GBE1: variants seen among roughly 807,000 people sequenced by gnomAD.
GBE1 encodes the protein 1,4-alpha-glucan branching enzyme 1, also known as 1,4-alpha-glucan-branching enzyme.
In GBE1, 70 loss-of-function variants were observed where a neutral mutation model predicts 88.8. That is an observed-to-expected ratio of 0.79 (90% CI 0.65 to 0.96). The LOEUF is 0.96. GBE1 is among the 40% of genes least tolerant of loss of function. The probability of loss-of-function intolerance (pLI) is 0.00; values close to 1 mark genes in which losing one functional copy is unlikely to be tolerated. For synonymous variants in GBE1, 284 were observed against 300.1 expected (o/e 0.95, Z 0.56); for missense variants, 872 against 871.0 (o/e 1.00, Z -0.01).
intron 2 of GBE1, among the ~76,000 whole-genome samples, chr3:81,702,102 A>AGT (rs571028865): frequency 3.1e-4 from 36 of 115,460 alleles, no homozygotes; most frequent in South Asian, 6.8e-4. Flanking sequence ...AGAGAGAGAG[A>AGT]GTGTGTGTGT....
chr3:81,644,011 C>T (rs546326260), intron 6 of GBE1, among the ~76,000 whole-genome samples: 1 of 152,158 alleles, frequency 6.6e-6, no homozygotes, highest in Non-Finnish European at 1.5e-5. Context: ...CATTTTTATA[C>T]TCATTGAACA....
intron 12 of GBE1, among the ~76,000 whole-genome samples, chr3:81,547,657 C>CTCTCTCTCTCTT (rs1177533326): frequency 7.4e-6 from 1 of 134,434 alleles, no homozygotes; most frequent in Admixed American, 7.5e-5. Flanking sequence ...CTCTCTCTCT[C>CTCTCTCTCTCTT]TCTCTCTCTC....
At chr3:81,632,832 T>C (rs1404439022) in intron 7 of GBE1, among the ~76,000 whole-genome samples, 7 of 152,214 alleles carry the variant, frequency 4.6e-5, no homozygotes, top group African/African-American at 1.4e-4. Flanking sequence ...TACTGCAGTC[T>C]AACAATGCCC....
chr3:81,703,415 C>T (rs948565996), intron 2 of GBE1, among the ~76,000 whole-genome samples: 2 of 151,772 alleles, frequency 1.3e-5, no homozygotes, highest in African/African-American at 4.8e-5. Flanking sequence ...TGGGACTACA[C>T]CATGAATTAT....
intron 7 of GBE1, among the ~76,000 whole-genome samples, chr3:81,609,435 C>CA (rs1262775990): frequency 6.6e-6 from 1 of 151,098 alleles, no homozygotes; most frequent in Non-Finnish European, 1.5e-5. Flanking sequence ...AGCTCAAAGC[C>CA]AAAAAAAACT....
intron 14 of GBE1, among the ~76,000 whole-genome samples, chr3:81,508,918 T>C (rs561969515): frequency 2.8e-4 from 43 of 152,176 alleles, no homozygotes; most frequent in Middle Eastern, 3.4e-3. Context: ...CATCTGTAAA[T>C]GGAGGTAACA....
At chr3:81,560,741 T>C (rs1703404871) in intron 12 of GBE1, among the ~76,000 whole-genome samples, 1 of 152,012 alleles carries the variant, frequency 6.6e-6, no homozygotes, top group African/African-American at 2.4e-5. Flanking sequence ...CAGATAATTG[T>C]GTGCAAACGA....
intron 2 of GBE1, among the ~76,000 whole-genome samples, chr3:81,691,100 T>C (rs1705512483): frequency 2.0e-5 from 3 of 152,198 alleles, no homozygotes. Flanking sequence ...ATAATCCATC[T>C]GCTTGCAACA....
At chr3:81,552,701 T>C (rs1222169390) in intron 12 of GBE1, among the ~76,000 whole-genome samples, 1 of 152,112 alleles carries the variant, frequency 6.6e-6, no homozygotes, top group Non-Finnish European at 1.5e-5. Context: ...TTATTAGCAT[T>C]ACTGTATTGA....
At chr3:81,761,148 G>A (rs1706676533) in intron 1 of GBE1, among the ~76,000 whole-genome samples, 1 of 152,244 alleles carries the variant, frequency 6.6e-6, no homozygotes, top group African/African-American at 2.4e-5. Flanking sequence ...AGGGGATGAG[G>A]AAAGAAGTTT....
chr3:81,532,326 G>A (rs750935650), intron 14 of GBE1, among the ~76,000 whole-genome samples: 3 of 151,796 alleles, frequency 2.0e-5, no homozygotes, highest in Non-Finnish European at 4.4e-5. Flanking sequence ...TTCTACTCCC[G>A]CAACTGGCTG....
intron 7 of GBE1, among the ~76,000 whole-genome samples, chr3:81,598,552 A>C (rs149570389): frequency 6.6e-6 from 1 of 152,102 alleles, no homozygotes; most frequent in Admixed American, 6.5e-5. Context: ...ATTAACCAAC[A>C]ATTAAAAATA....
At chr3:81,628,850 T>C (rs1156350908) in intron 7 of GBE1, among the ~76,000 whole-genome samples, 4 of 144,296 alleles carry the variant, frequency 2.8e-5, no homozygotes, top group South Asian at 2.2e-4. Flanking sequence ...TTTATACAAC[T>C]AAATCATTCA....
chr3:81,659,420 C>T (rs1704991690), intron 3 of GBE1, among the ~76,000 whole-genome samples: 1 of 151,582 alleles, frequency 6.6e-6, no homozygotes, highest in African/African-American at 2.4e-5. Flanking sequence ...ACTGCAACCT[C>T]CACCTCCCAG....
intron 14 of GBE1, among the ~76,000 whole-genome samples, chr3:81,530,481 C>G (rs1702997595): frequency 6.6e-6 from 1 of 151,818 alleles, no homozygotes; most frequent in South Asian, 2.1e-4. Context: ...GGAAGGTTTT[C>G]TAAGTATTTG....
intron 1 of GBE1, among the ~76,000 whole-genome samples, chr3:81,737,720 G>A (rs922953449): frequency 7.8e-5 from 11 of 140,268 alleles, no homozygotes; most frequent in South Asian, 4.4e-4. Context: ...TCAGTCTCTC[G>A]TAGATTAAAA....
chr3:81,550,505 C>T (rs1260999716), intron 12 of GBE1, among the ~76,000 whole-genome samples: 1 of 151,832 alleles, frequency 6.6e-6, no homozygotes, highest in Non-Finnish European at 1.5e-5. Flanking sequence ...AGAGCAACTC[C>T]ATTTTGAATA....
At chr3:81,638,034 C>A (rs1424714740) in intron 7 of GBE1, among the ~76,000 whole-genome samples, 1 of 152,016 alleles carries the variant, frequency 6.6e-6, no homozygotes, top group Non-Finnish European at 1.5e-5. Flanking sequence ...GCAGGGAGAA[C>A]CCCTTGAATT....
At chr3:81,761,285 C>T in intron 1 of GBE1, 90 bp downstream of exon 1, 1 of 1,480,198 alleles carries the variant, frequency 6.8e-7, no homozygotes, top group Non-Finnish European at 9.0e-7. Flanking sequence ...GGGGTTGGCG[C>T]GCGAGGGCCG....
Sources: gnomAD v4.1 joint callset for allele counts (sites outside exome capture counted in the v4.1 genomes callset) on GRCh38, gnomAD v4.1.1 for gene constraint, MANE v1.5 for transcripts, NCBI Gene and HGNC (gene_info 2026-07-23, HGNC 2026-07-21) for gene names.